The following ANXA8 variants were observed in gnomAD, a reference collection of about 807,000 sequenced individuals.
ANXA8 encodes VAC-beta.
In ANXA8, 9 loss-of-function variants were observed where a neutral mutation model predicts 26.8. The ratio of observed to expected loss-of-function variants is 0.34; its 90% CI spans 0.20 to 0.59. The LOEUF (loss-of-function observed/expected upper bound fraction) is 0.59. Ranked by LOEUF, ANXA8 falls within the 20% of genes least tolerant of loss-of-function variation. The pLI is 0.84. For missense variants in ANXA8, 83 were observed against 238.5 expected (o/e 0.35, Z 4.29); for synonymous variants, 39 against 94.8 (o/e 0.41, Z 3.42).
chr10:47,554,142 T>C, the ANXA8 span, among the ~76,000 whole-genome samples: 1 of 139,700 alleles, frequency 7.2e-6, no homozygotes, highest in Non-Finnish European at 1.5e-5. Flanking sequence ...AATAAATAAA[T>C]AAATAAAAAT....
At chr10:47,488,669 C>T (rs1840087876), upstream of ANXA8, among the ~76,000 whole-genome samples, 1 of 140,632 alleles carries the variant, frequency 7.1e-6, no homozygotes, top group Non-Finnish European at 1.5e-5. Context: ...ACTCATAGCT[C>T]ACACACATCA....
the ANXA8 span, among the ~76,000 whole-genome samples, chr10:47,743,343 T>TATATATATACATATATATATAC: frequency 6.8e-5 from 1 of 14,768 alleles, no homozygotes; most frequent in African/African-American, 1.5e-4. Flanking sequence ...TATATATACA[T>TATATATATACATATATATATAC]ATATATATAT....
chr10:47,658,401 C>G, the ANXA8 span, among the ~76,000 whole-genome samples: 1 of 148,660 alleles, frequency 6.7e-6, no homozygotes, highest in African/African-American at 2.6e-5. Flanking sequence ...AAAAAAAAAT[C>G]ATGTATATAG....
chr10:47,619,149 G>A, the ANXA8 span, among the ~76,000 whole-genome samples: 482 of 112,940 alleles, frequency 4.3e-3, 118 homozygotes, highest in Non-Finnish European at 6.3e-3. Context: ...ATATTAATGT[G>A]TAGTAATTCA....
chr10:47,982,829 T>TATATATATATATATAA, the ANXA8 span, among the ~76,000 whole-genome samples: 1 of 70,676 alleles, frequency 1.4e-5, no homozygotes. Context: ...TATATATATA[T>TATATATATATATATAA]ATATAAAATT....
chr10:47,719,733 T>TACAAGTG, the ANXA8 span: 12 of 487,762 alleles, frequency 2.5e-5, no homozygotes, highest in African/African-American at 3.8e-4. Context: ...ATCCTTTTAC[T>TACAAGTG]ACAAGTGACT....
the ANXA8 span, among the ~76,000 whole-genome samples, chr10:47,735,148 G>A: frequency 6.6e-6 from 1 of 150,596 alleles, no homozygotes; most frequent in African/African-American, 2.5e-5. Flanking sequence ...CACCCAGGCT[G>A]GAGTACAGTG....
At chr10:47,522,272 C>T in the ANXA8 span, among the ~76,000 whole-genome samples, 5 of 144,464 alleles carry the variant, frequency 3.5e-5, no homozygotes, top group Admixed American at 3.5e-4. Context: ...GTGAACCAAT[C>T]CCCACCTCTC....
chr10:47,706,815 C>T, the ANXA8 span: 5 of 972,708 alleles, frequency 5.1e-6, no homozygotes, highest in African/African-American at 7.6e-5. Flanking sequence ...AAGCAAACTG[C>T]CCGTTCTCCT....
the ANXA8 span, among the ~76,000 whole-genome samples, chr10:47,587,895 C>T: frequency 6.8e-6 from 1 of 146,294 alleles, no homozygotes; most frequent in East Asian, 1.9e-4. Flanking sequence ...AGACACACTA[C>T]CTGGCTGTGA....
the ANXA8 span, among the ~76,000 whole-genome samples, chr10:47,673,214 C>T: frequency 6.6e-6 from 1 of 151,672 alleles, no homozygotes; most frequent in Non-Finnish European, 1.5e-5. Flanking sequence ...GAGTAGTAAG[C>T]CAAAAGCCTG....
the ANXA8 span, among the ~76,000 whole-genome samples, chr10:47,767,419 G>T: frequency 1.3e-5 from 2 of 152,276 alleles, no homozygotes; most frequent in African/African-American, 2.4e-5. Context: ...CGACTGGCAG[G>T]GTGGGCTTGG....
chr10:47,647,475 A>T, the ANXA8 span, among the ~76,000 whole-genome samples: 104 of 150,246 alleles, frequency 6.9e-4, 1 homozygote, highest in Non-Finnish European at 1.2e-3. Flanking sequence ...TTCCGAGATT[A>T]AAAAATTGCC....
At chr10:47,918,423 AAGAAAGAAAG>A in the ANXA8 span, among the ~76,000 whole-genome samples, 597 of 34,784 alleles carry the variant, frequency 0.017, 29 homozygotes, top group East Asian at 0.027. Flanking sequence ...GAAAGAAAGA[AAGAAAGAAAG>A]AGAGAGAGAA....
the ANXA8 span, among the ~76,000 whole-genome samples, chr10:47,539,395 T>C: frequency 1.3e-4 from 16 of 120,802 alleles, 2 homozygotes; most frequent in Admixed American, 4.6e-4. Context: ...TATCCAACCT[T>C]TGTTACACAT....
At chr10:47,628,253 C>T in the ANXA8 span, among the ~76,000 whole-genome samples, 1 of 152,080 alleles carries the variant, frequency 6.6e-6, no homozygotes, top group South Asian at 2.1e-4. Context: ...TCTGAATGTT[C>T]TCTTAAAGAA....
chr10:47,943,451 C>G, the ANXA8 span, among the ~76,000 whole-genome samples: 1 of 146,316 alleles, frequency 6.8e-6, no homozygotes, highest in Non-Finnish European at 1.5e-5. Flanking sequence ...TTTAGCAGAA[C>G]AAAAGAAGGG....
chr10:47,603,574 C>T, the ANXA8 span, among the ~76,000 whole-genome samples: 17 of 146,992 alleles, frequency 1.2e-4, no homozygotes, highest in Admixed American at 5.3e-4. Context: ...CACAGTGGCA[C>T]GGTCTCAGCT....
chr10:47,907,765 C>CAAA, the ANXA8 span, among the ~76,000 whole-genome samples: 4 of 27,148 alleles, frequency 1.5e-4, no homozygotes, highest in Non-Finnish European at 2.7e-4. Flanking sequence ...GAGACTGTCT[C>CAAA]AAAAAAAAAA....
Sources: allele counts gnomAD v4.1 joint callset (sites outside exome capture counted in the v4.1 genomes callset), GRCh38; gene constraint gnomAD v4.1.1; transcripts MANE v1.5; gene names NCBI Gene and HGNC (gene_info 2026-07-23, HGNC 2026-07-21).